The following AK4 variants were observed in gnomAD, a reference collection of about 807,000 sequenced individuals.
AK4 encodes adenylate kinase 4, mitochondrial.
A neutral mutation model predicts 24.6 loss-of-function variants in AK4; 13 were observed. The ratio of observed to expected loss-of-function variants is 0.53; its 90% confidence interval spans 0.34 to 0.84. The LOEUF (loss-of-function observed/expected upper bound fraction) is 0.84, where lower values mean the gene tolerates loss of function less well. Ranked by LOEUF, AK4 falls within the 40% of genes least tolerant of loss-of-function variation. The probability of loss-of-function intolerance (pLI) is 0.01; values close to 1 mark genes in which losing one functional copy is unlikely to be tolerated. For missense variants in AK4, 192 were observed against 288.2 expected (o/e 0.67, Z 2.42); for synonymous variants, 88 against 107.0 (o/e 0.82, Z 1.10).
chr1:65,148,157 G>A (rs554593284), upstream of AK4: 20 of 709,872 alleles, frequency 2.8e-5, no homozygotes, highest in Non-Finnish European at 4.0e-5. Context: ...GGAGGTGGAG[G>A]AGGGCGAGGA....
intron 2 of AK4, among the ~76,000 whole-genome samples, chr1:65,214,010 T>G (rs865844058): frequency 6.6e-6 from 1 of 152,248 alleles, no homozygotes; most frequent in African/African-American, 2.4e-5. Context: ...ACCCTGCTGA[T>G]ACCTTGGTCT....
chr1:65,211,882 A>C (rs1200832281), intron 2 of AK4, among the ~76,000 whole-genome samples: 2 of 152,236 alleles, frequency 1.3e-5, no homozygotes, highest in Non-Finnish European at 2.9e-5. Context: ...TAAAGGGTGA[A>C]TAGGAGTGTT....
At chr1:65,195,876 T>G (rs181874244) in intron 2 of AK4, among the ~76,000 whole-genome samples, 2 of 152,296 alleles carry the variant, frequency 1.3e-5, no homozygotes, top group Admixed American at 1.3e-4. Context: ...AAAAGTCAGT[T>G]TCAGTTATGG....
At chr1:65,183,649 C>CTG (rs1650985290) in intron 1 of AK4, among the ~76,000 whole-genome samples, 49 of 111,708 alleles carry the variant, frequency 4.4e-4, no homozygotes, top group African/African-American at 1.5e-3. Flanking sequence ...ATATAAATAT[C>CTG]CGTGTGTGTG....
chr1:65,189,279 T>TTC (rs1205447304), intron 1 of AK4, among the ~76,000 whole-genome samples: 8 of 144,272 alleles, frequency 5.5e-5, no homozygotes, highest in African/African-American at 1.6e-4. Flanking sequence ...GAGAATGTGA[T>TTC]TCTCTCTCTT....
At chr1:65,157,852 C>A (rs931542652) in intron 1 of AK4, among the ~76,000 whole-genome samples, 1 of 152,026 alleles carries the variant, frequency 6.6e-6, no homozygotes, top group Non-Finnish European at 1.5e-5. Context: ...GCAGCTAACC[C>A]AGCATTTAGG....
chr1:65,211,388 C>T (rs773185163), intron 2 of AK4, among the ~76,000 whole-genome samples: 3 of 152,222 alleles, frequency 2.0e-5, no homozygotes, highest in Non-Finnish European at 1.5e-5. Context: ...TTTCTCAAGT[C>T]GTTTTGTAAG....
rs1339635063 is a variant in AK4 at position 65,226,955 on chromosome 1, G to A, written c.*778G>A. 2.0e-5 allele frequency: 3 copies of A among 148,024 alleles called. No homozygotes were observed. The highest frequency in any genetic ancestry group is 4.4e-5 in the Non-Finnish European group (3 of 67,502). The allele number at this position is 148,024 out of a possible 1,614,324, so 9.2% of individuals were successfully genotyped here. ...TGCACTGAGAACTGAGCTATGAAGA[G>A]GATCTTATTAAACTGCTGGTCTGAC... On this transcript the variant is annotated 3_prime_UTR_variant, in exon 5 of 5. Transcript: ENST00000327299.
intron 1 of AK4, among the ~76,000 whole-genome samples, chr1:65,187,115 T>C (rs925733284): frequency 7.3e-5 from 11 of 151,606 alleles, no homozygotes; most frequent in African/African-American, 2.7e-4. Flanking sequence ...ATCCCAGCAC[T>C]TTGGGAGGCT....
intron 1 of AK4, among the ~76,000 whole-genome samples, chr1:65,170,643 G>A (rs1650485986): frequency 6.6e-6 from 1 of 152,286 alleles, no homozygotes; most frequent in South Asian, 2.1e-4. Flanking sequence ...GCTGTTAGTC[G>A]GCGCGAGATG....
chr1:65,218,251 A>G (rs1358737697), intron 2 of AK4, among the ~76,000 whole-genome samples: 1 of 149,994 alleles, frequency 6.7e-6, no homozygotes, highest in Admixed American at 6.6e-5. Context: ...TAGTGTTAAA[A>G]TGATGTAAGA....
At chr1:65,170,291 C>T (rs1650468527) in intron 1 of AK4, among the ~76,000 whole-genome samples, 1 of 152,114 alleles carries the variant, frequency 6.6e-6, no homozygotes, top group African/African-American at 2.4e-5. Context: ...TGGCGTGAAC[C>T]CGGGAGACGG....
At chr1:65,160,617 T>C (rs929535926) in intron 1 of AK4, among the ~76,000 whole-genome samples, 1 of 152,044 alleles carries the variant, frequency 6.6e-6, no homozygotes, top group Non-Finnish European at 1.5e-5. Context: ...TTTTTGGAGA[T>C]GAGGTCTTGC....
intron 1 of AK4, among the ~76,000 whole-genome samples, chr1:65,166,561 C>T (rs2101000904): frequency 6.6e-6 from 1 of 152,212 alleles, no homozygotes; most frequent in African/African-American, 2.4e-5. Flanking sequence ...GCTTTATCTC[C>T]CAGGCTGGAG....
chr1:65,194,954 G>A (rs1651422389), intron 2 of AK4, among the ~76,000 whole-genome samples: 1 of 152,146 alleles, frequency 6.6e-6, no homozygotes. Flanking sequence ...TATTTGTTAT[G>A]GAAACAGCCC....
intron 2 of AK4, among the ~76,000 whole-genome samples, chr1:65,198,289 C>A (rs1373626426): frequency 6.6e-6 from 1 of 152,194 alleles, no homozygotes; most frequent in African/African-American, 2.4e-5. Context: ...GCCATCTATG[C>A]CTGCCAAATG....
rs200440668 is a variant in AK4, at chr1:65,167,539, C to CA, written c.145+18995dup. On this transcript the variant is annotated intron_variant, in intron 1 of 4. Transcript: ENST00000327299. ...AAGATCAAGGATCTAGCTTGGAGCA[C>CA]AAAAAAAATGCAAGATCTCCTTTCC... Among the ~76,000 whole-genome samples, 1,033 of 149,800 alleles carry CA rather than the reference C, an allele frequency of 6.9e-3. 27 individuals carry two copies. The highest frequency in any genetic ancestry group is 0.048 in the Admixed American group (723 of 15,052).
intron 1 of AK4, among the ~76,000 whole-genome samples, chr1:65,173,585 T>C (rs1464368084): frequency 6.6e-6 from 1 of 152,096 alleles, no homozygotes; most frequent in Non-Finnish European, 1.5e-5. Context: ...CTTCTTTCCT[T>C]CTCCCAAAGC....
At chr1:65,167,700 T>A (rs1043278890) in intron 1 of AK4, among the ~76,000 whole-genome samples, 13 of 152,242 alleles carry the variant, frequency 8.5e-5, no homozygotes, top group African/African-American at 3.1e-4. Flanking sequence ...AGTCATTCTA[T>A]CCAAGTGGCC....
Sources: gnomAD v4.1 joint callset for allele counts (sites outside exome capture counted in the v4.1 genomes callset) on GRCh38, gnomAD v4.1.1 for gene constraint, MANE v1.5 for transcripts, NCBI Gene and HGNC (gene_info 2026-07-23, HGNC 2026-07-21) for gene names.